Variants in XXYLT1 observed in about 807,000 individuals in gnomAD.
The protein encoded by XXYLT1 is xyloside xylosyltransferase 1.
Under a neutral mutation model 28.9 loss-of-function variants are expected in XXYLT1, and 20 were observed. The observed-to-expected ratio is 0.69, with a 90% CI of 0.49 to 1.00. XXYLT1 has a LOEUF of 1.00. XXYLT1 is among the 50% of genes least tolerant of loss of function. XXYLT1 has a pLI of 0.00. For missense variants in XXYLT1, 542 were observed against 560.1 expected (o/e 0.97, Z 0.33); for synonymous variants, 257 against 253.8 (o/e 1.01, Z -0.12).
At chr3:195,123,645 T>G (rs944031104) in intron 3 of XXYLT1, among the ~76,000 whole-genome samples, 5 of 152,204 alleles carry the variant, frequency 3.3e-5, no homozygotes, top group African/African-American at 7.2e-5. Flanking sequence ...CTGATGGTTC[T>G]GAGACCAATT....
intron 1 of XXYLT1, among the ~76,000 whole-genome samples, chr3:195,248,574 A>G (rs1285003263): frequency 6.6e-6 from 1 of 152,078 alleles, no homozygotes; most frequent in Non-Finnish European, 1.5e-5. Flanking sequence ...GCCTTCCACT[A>G]TGATTGTGAG....
chr3:195,082,847 G>A (rs1715512792), intron 3 of XXYLT1, among the ~76,000 whole-genome samples: 1 of 151,868 alleles, frequency 6.6e-6, no homozygotes, highest in South Asian at 2.1e-4. Context: ...AAAAAAAGAA[G>A]GACCTCTCCC....
intron 3 of XXYLT1, among the ~76,000 whole-genome samples, chr3:195,127,133 C>T (rs527360520): frequency 4.6e-5 from 7 of 152,260 alleles, no homozygotes; most frequent in African/African-American, 1.2e-4. Flanking sequence ...GAAGAGTCTT[C>T]GCTTTGGGAA....
intron 1 of XXYLT1, chr3:195,270,342 C>A: frequency 8.7e-7 from 1 of 1,153,572 alleles, no homozygotes; most frequent in African/African-American, 1.6e-5. Context: ...ATTAAAAACG[C>A]AGCTCCACTC....
chr3:195,140,389 AC>A (rs1402834181), intron 3 of XXYLT1, among the ~76,000 whole-genome samples: 2 of 152,166 alleles, frequency 1.3e-5, no homozygotes, highest in Non-Finnish European at 2.9e-5. Context: ...TGTGGGAGGC[AC>A]CCTTACTGTT....
At position 195,168,418 on chromosome 3, in the gene XXYLT1, G is replaced by C. The variant is rs1362713756; in HGVS notation, c.653-11837C>G. ...GCCAAGCACTATGCTAAATGTGAGGGTTCAGAAATAAATAGTGTCTTTCCT... is the reference window on the plus strand; with the variant it reads ...GCCAAGCACTATGCTAAATGTGAGGCTTCAGAAATAAATAGTGTCTTTCCT... On this transcript the variant is annotated intron_variant, in intron 2 of 3. Coordinates refer to ENST00000310380, the MANE Select transcript of XXYLT1 (RefSeq NM_152531.5). The surrounding 1 kb of genome is among the most constrained non-coding windows in gnomAD (Gnocchi z 4.3). Among the ~76,000 whole-genome samples the C allele has an allele frequency of 6.6e-6, 1 of 151,106 alleles. No homozygotes were observed.
rs543368107 is a variant in XXYLT1, at chr3:195,180,618, G to A, written c.653-24037C>T. On this transcript the variant is annotated intron_variant, in intron 2 of 3. Transcript: ENST00000310380. The surrounding 1 kb of genome is among the most constrained non-coding windows in gnomAD (Gnocchi z 5.8). ...GCGTGATGTGGCCCCGTCTGGCTAA[G>A]AGCACCAGACGGCGGTGGCTGGAGC... The A allele has an allele frequency of 1.5e-5, 14 of 934,504 alleles. No individual in the cohort carries two copies. Among genetic ancestry groups the A allele is most frequent in the South Asian group, 1.5e-4 (3 of 20,322 alleles). The allele number at this position is 934,504 out of a possible 1,614,324, so 57.9% of individuals were successfully genotyped here.
intron 3 of XXYLT1, among the ~76,000 whole-genome samples, chr3:195,130,452 A>C (rs1436246755): frequency 2.0e-5 from 3 of 152,256 alleles, no homozygotes; most frequent in African/African-American, 7.2e-5. Flanking sequence ...TTAGCTGTGG[A>C]GACACCAGGT....
At chr3:195,270,297 T>TG in intron 1 of XXYLT1, 1 of 816,694 alleles carries the variant, frequency 1.2e-6, no homozygotes, top group Non-Finnish European at 1.8e-6. Context: ...TCCTGGGGGC[T>TG]GCGCTTAACT....
At chr3:195,081,249 TAA>T (rs1190156651) in intron 3 of XXYLT1, among the ~76,000 whole-genome samples, 1 of 152,096 alleles carries the variant, frequency 6.6e-6, no homozygotes, top group Non-Finnish European at 1.5e-5. Context: ...ATGATTTTTA[TAA>T]AGAGATGAAA....
intron 3 of XXYLT1, among the ~76,000 whole-genome samples, chr3:195,081,387 C>T (rs1013454486): frequency 2.0e-5 from 3 of 152,122 alleles, no homozygotes; most frequent in Non-Finnish European, 2.9e-5. Flanking sequence ...TGAGCAGGGC[C>T]CGGGGACAGG....
At chr3:195,239,866 C>T (rs764450522) in intron 1 of XXYLT1, among the ~76,000 whole-genome samples, 19 of 152,270 alleles carry the variant, frequency 1.2e-4, no homozygotes, top group Non-Finnish European at 2.2e-4. Context: ...AACCCATGTT[C>T]GTATCATGAG....
chr3:195,270,795 G>A lies in XXYLT1; in HGVS notation c.264C>T (p.Ser88=), dbSNP rs745628870. The change falls in exon 1 of 4, where the codon AGC becomes AGT. Residue 88 remains serine (S), a synonymous_variant. Coordinates refer to ENST00000310380, the MANE Select transcript of XXYLT1 (RefSeq NM_152531.5). ...CCGGCCCGGCACCGCCGCCCTCCAA[G>A]CTCTTGGCCTTCGCGCCGGGGGCTG... The part of the protein sequence containing the change: ...VAPAPGAKAK[S]LEGGGAGPVD... The A allele has an allele frequency of 3.9e-6, 6 of 1,535,488 alleles. No individual in the cohort carries two copies. Among genetic ancestry groups the A allele is most frequent in the Non-Finnish European group, 2.6e-6 (3 of 1,145,446 alleles).
At chr3:195,177,628 CA>C (rs1182222966) in intron 2 of XXYLT1, among the ~76,000 whole-genome samples, 1 of 151,878 alleles carries the variant, frequency 6.6e-6, no homozygotes, top group African/African-American at 2.4e-5. Flanking sequence ...GCAGTAGCCT[CA>C]AAAAATGGGG....
rs1398793258 is a variant in XXYLT1, at chr3:195,115,640, G to A, written c.785+40809C>T. Among the ~76,000 whole-genome samples, 5 of 152,202 alleles carry A rather than the reference G, an allele frequency of 3.3e-5. No individual in the cohort carries two copies. Among genetic ancestry groups the A allele is most frequent in the Non-Finnish European group, 7.3e-5 (5 of 68,030 alleles). ...TGGAAAGCACAGCTATTTACAGGAC[G>A]ACTCCCTTCATCTGGTGCGGAGCAG... On this transcript the variant is annotated intron_variant, in intron 3 of 3. Coordinates refer to ENST00000310380, the MANE Select transcript of XXYLT1 (RefSeq NM_152531.5). This position sits in a 1 kb window ranked among gnomAD's most constrained non-coding sequence, Gnocchi z 4.2.
intron 3 of XXYLT1, among the ~76,000 whole-genome samples, chr3:195,085,508 G>A (rs1347695422): frequency 6.6e-6 from 1 of 152,178 alleles, no homozygotes; most frequent in Non-Finnish European, 1.5e-5. Context: ...GTGGGAGGGG[G>A]GAGTCCACCC....
Position 195,271,124 on chromosome 3 carries a change from G to T in XXYLT1, c.-66C>A. On this transcript the variant is annotated 5_prime_UTR_variant, in exon 1 of 4. Transcript: ENST00000310380. ...GAGAGCCCTCGGGTACCCGGACGCC[G>T]GCGGCCACTTAGCCCCGGCGCCAGG... 3.9e-6 allele frequency: 5 copies of T among 1,273,614 alleles called. No homozygotes were observed. Among genetic ancestry groups the T allele is most frequent in the South Asian group, 5.2e-5 (2 of 38,248 alleles). 78.9% of individuals were successfully genotyped at this position (1,273,614 alleles called of 1,614,324 possible). A position where few individuals can be genotyped will look rare whatever the true frequency, so the allele number is the denominator to read the frequency against.
intron 3 of XXYLT1, among the ~76,000 whole-genome samples, chr3:195,141,035 G>A (rs1291177446): frequency 2.0e-5 from 3 of 152,144 alleles, no homozygotes. Context: ...GAGGATACAA[G>A]ACGGCCATCT....
rs1470618447 is a variant in XXYLT1, at chr3:195,240,779, C to T, written c.505-13923G>A. On this transcript the variant is annotated intron_variant, in intron 1 of 3. Coordinates refer to ENST00000310380, the MANE Select transcript of XXYLT1 (RefSeq NM_152531.5). This position sits in a 1 kb window ranked among gnomAD's most constrained non-coding sequence, Gnocchi z 4.7. ...CCCAAGTCCAGCAATCCTGGTGCCC[C>T]TGCCAATGCTGAATCCACCTCCTGA... 6.6e-6 allele frequency among the ~76,000 whole-genome samples: 1 copy of T among 152,238 alleles called. No homozygotes were observed. Among genetic ancestry groups the T allele is most frequent in the Non-Finnish European group, 1.5e-5 (1 of 68,040 alleles).
Sources: allele counts gnomAD v4.1 joint callset (sites outside exome capture counted in the v4.1 genomes callset), GRCh38; gene constraint gnomAD v4.1.1; non-coding constraint Gnocchi (gnomAD v3.1); transcripts MANE v1.5; gene names NCBI Gene and HGNC (gene_info 2026-07-23, HGNC 2026-07-21).